PDE4D: variants seen among roughly 807,000 people sequenced by gnomAD.
PDE4D encodes the protein phosphodiesterase 4D.
In PDE4D, 24 loss-of-function variants were observed where a neutral mutation model predicts 87.4. The ratio of observed to expected loss-of-function variants is 0.27; its 90% CI spans 0.20 to 0.39. The LOEUF (loss-of-function observed/expected upper bound fraction) is 0.39. Among genes scored for constraint, PDE4D ranks in the 10% least tolerant of loss-of-function variants. The pLI, the probability that PDE4D is intolerant of heterozygous loss-of-function variation, is 1.00. For missense variants in PDE4D, 714 were observed against 1,041.0 expected (o/e 0.69, Z 4.32); for synonymous variants, 384 against 383.2 (o/e 1.00, Z -0.02).
chr5:60,273,573 ATTAG>A (rs1457848047), intron 1 of PDE4D, among the ~76,000 whole-genome samples: 6 of 152,236 alleles, frequency 3.9e-5, no homozygotes, highest in Non-Finnish European at 7.3e-5. Context: ...AGGCAGGGAA[ATTAG>A]TTAGGACACT....
intron 1 of PDE4D, among the ~76,000 whole-genome samples, chr5:59,358,364 T>C (rs1781719057): frequency 1.3e-5 from 2 of 152,176 alleles, no homozygotes. Context: ...TGCAATATTG[T>C]AACGCTTCAC....
chr5:59,145,900 G>T (rs1232530978), intron 5 of PDE4D, among the ~76,000 whole-genome samples: 1 of 152,192 alleles, frequency 6.6e-6, no homozygotes, highest in African/African-American at 2.4e-5. Context: ...GCTGAGGTGG[G>T]TGGATCACCC....
chr5:60,205,030 C>T (rs1338007520), intron 1 of PDE4D, among the ~76,000 whole-genome samples: 2 of 152,168 alleles, frequency 1.3e-5, no homozygotes, highest in East Asian at 1.9e-4. Flanking sequence ...TTTGTAGCCA[C>T]GTGTGCCCCG....
In PDE4D at chr5:59,189,248, T is replaced by TTG. The variant is rs1467471792; in HGVS notation, c.685-3987_685-3986insCA. 4.5e-3 allele frequency among the ~76,000 whole-genome samples: 466 copies of TTG among 103,616 alleles called. 18 individuals are homozygous for TTG. Among genetic ancestry groups the TTG allele is most frequent in the African/African-American group, 0.018 (433 of 23,674 alleles). The allele number at this position is 103,616 out of a possible 152,430, so 68.0% of individuals were successfully genotyped here. ...TCCTACCCCGTTTTTTTTTTTGTTT[T>TTG]TTTTGTTTTTTTTTTTTTGAGACGG... On this transcript the variant is annotated intron_variant, in intron 3 of 14. Transcript: ENST00000340635.
chr5:59,348,972 C>A (rs1234996513), intron 1 of PDE4D, among the ~76,000 whole-genome samples: 2 of 151,796 alleles, frequency 1.3e-5, no homozygotes, highest in Non-Finnish European at 2.9e-5. Flanking sequence ...TCCTAGCTAC[C>A]CAGGAGGCTG....
chr5:59,269,914 C>T lies in PDE4D; in HGVS notation c.456-53946G>A, dbSNP rs113189914. Among the ~76,000 whole-genome samples the T allele has an allele frequency of 2.0e-3, 302 of 152,070 alleles. 4 individuals carry two copies. Among genetic ancestry groups the T allele is most frequent in the African/African-American group, 6.7e-3 (279 of 41,494 alleles). On this transcript the variant is annotated intron_variant, in intron 1 of 14. Transcript: ENST00000340635. ...AACGTGTTTAAAATCCATTGACCTG[C>T]CTTGCCCCTTTTATTTTACAGGACA...
chr5:59,228,156 A>G (rs1754251524), intron 1 of PDE4D, among the ~76,000 whole-genome samples: 1 of 152,206 alleles, frequency 6.6e-6, no homozygotes, highest in South Asian at 2.1e-4. Context: ...GCAGGAAAAG[A>G]AAACCAAATA....
chr5:60,329,146 G>A (rs1004824502), intron 1 of PDE4D, among the ~76,000 whole-genome samples: 1 of 150,916 alleles, frequency 6.6e-6, no homozygotes, highest in East Asian at 2.0e-4. Context: ...TCCTATTAAT[G>A]TGGTTTAGTG....
intron 1 of PDE4D, among the ~76,000 whole-genome samples, chr5:59,229,089 CTTATT>C (rs1234184350): frequency 3.3e-5 from 5 of 151,500 alleles, no homozygotes; most frequent in Non-Finnish European, 5.9e-5. Flanking sequence ...TTGTTTTTTA[CTTATT>C]TTATCATCTT....
At chr5:59,956,060 G>A (rs1758797475) in intron 3 of PDE4D, among the ~76,000 whole-genome samples, 1 of 152,162 alleles carries the variant, frequency 6.6e-6, no homozygotes, top group East Asian at 1.9e-4. Flanking sequence ...AGACAAAGAT[G>A]GAAAGGCAAT....
At chr5:59,566,604 GAA>G (rs1491253806) in intron 1 of PDE4D, among the ~76,000 whole-genome samples, 2 of 151,552 alleles carry the variant, frequency 1.3e-5, no homozygotes, top group Admixed American at 1.3e-4. Context: ...GAGAGAGAGA[GAA>G]AGAGAATTTG....
chr5:60,065,606 G>C (rs1419375057), intron 2 of PDE4D, among the ~76,000 whole-genome samples: 1 of 151,746 alleles, frequency 6.6e-6, no homozygotes, highest in Non-Finnish European at 1.5e-5. Flanking sequence ...CCCCACAACA[G>C]TCCCCAGAGT....
Position 59,018,230 on chromosome 5 carries a change from G to A in PDE4D, c.921+20629C>T, listed in dbSNP as rs945020888. Among the ~76,000 whole-genome samples, 9 of 152,054 alleles carry A rather than the reference G, an allele frequency of 5.9e-5. No homozygotes were observed. In the South Asian group the frequency reaches 8.3e-4, roughly 14 times the overall value. On this transcript the variant is annotated intron_variant, in intron 6 of 14. Transcript: ENST00000340635. ...ACAGTTTGTAAACTATCAGAATCACGGATACTGGCTGAGAATGCTTTTGGA... is the reference window on the plus strand; with the variant it reads ...ACAGTTTGTAAACTATCAGAATCACAGATACTGGCTGAGAATGCTTTTGGA...
At chr5:60,208,289 G>A (rs1225712047) in intron 1 of PDE4D, among the ~76,000 whole-genome samples, 2 of 152,152 alleles carry the variant, frequency 1.3e-5, no homozygotes, top group South Asian at 2.1e-4. Context: ...TTGAAAAGAC[G>A]ACATTTGAGT....
At chr5:60,233,833 G>C (rs1394149930) in intron 1 of PDE4D, among the ~76,000 whole-genome samples, 2 of 151,756 alleles carry the variant, frequency 1.3e-5, no homozygotes, top group African/African-American at 4.8e-5. Flanking sequence ...TAAGAAAGCT[G>C]TAAGTTCCCA....
At chr5:59,671,812 A>C (rs1747259820) in intron 1 of PDE4D, among the ~76,000 whole-genome samples, 1 of 145,728 alleles carries the variant, frequency 6.9e-6, no homozygotes, top group Non-Finnish European at 1.5e-5. Flanking sequence ...GTCTCAAGGA[A>C]AAAAAAAAAA....
intron 5 of PDE4D, among the ~76,000 whole-genome samples, chr5:59,114,359 C>G (rs1415986658): frequency 1.3e-5 from 2 of 151,962 alleles, no homozygotes; most frequent in Admixed American, 6.6e-5. Context: ...ATTTTCTGAA[C>G]ATGATAGCTG....
intron 1 of PDE4D, among the ~76,000 whole-genome samples, chr5:60,364,900 C>A (rs1403627061): frequency 6.6e-6 from 1 of 152,156 alleles, no homozygotes; most frequent in Non-Finnish European, 1.5e-5. Flanking sequence ...CTTTTCACTG[C>A]CAATCCTAAA....
chr5:59,908,045 A>T (rs934546940), intron 3 of PDE4D, among the ~76,000 whole-genome samples: 3 of 152,080 alleles, frequency 2.0e-5, no homozygotes, highest in African/African-American at 4.8e-5. Flanking sequence ...TTTGCACTGA[A>T]CTGAACCTGA....
Sources: gnomAD v4.1 joint callset for allele counts (sites outside exome capture counted in the v4.1 genomes callset) on GRCh38, gnomAD v4.1.1 for gene constraint, MANE v1.5 for transcripts, NCBI Gene and HGNC (gene_info 2026-07-23, HGNC 2026-07-21) for gene names.